The following KLC1 variants were observed in gnomAD, a reference collection of about 807,000 sequenced individuals.
The protein encoded by KLC1 is kinesin 2 60/70kDa.
In KLC1, 30 loss-of-function variants were observed where a neutral mutation model predicts 84.2. The ratio of observed to expected loss-of-function variants is 0.36; its 90% CI spans 0.27 to 0.48. The LOEUF (loss-of-function observed/expected upper bound fraction) is 0.48, where lower values mean the gene tolerates loss of function less well. Ranked by LOEUF, KLC1 falls within the 20% of genes least tolerant of loss-of-function variation. The pLI is 0.99. For missense variants in KLC1, 499 were observed against 805.4 expected (o/e 0.62, Z 4.60); for synonymous variants, 289 against 293.3 (o/e 0.99, Z 0.15).
chr14:103,697,741 G>A (rs1290272406), intron 15 of KLC1: 1 of 152,302 alleles, frequency 6.6e-6, no homozygotes, highest in East Asian at 1.9e-4. Flanking sequence ...TGCCCATGGG[G>A]AGGCCACGCC....
In KLC1 at chr14:103,692,412, A is replaced by C; in HGVS notation, c.1835A>C (p.Glu612Ala). 1.3e-6 allele frequency: 2 copies of C among 1,536,612 alleles called. No homozygotes were observed. Among genetic ancestry groups the C allele is most frequent in the South Asian group, 2.4e-5 (2 of 84,054 alleles). The change falls in exon 15 of 17, where the codon GAA becomes GCA. Residue 612 changes from glutamate (E) to alanine (A), a missense_variant. Physicochemically the swap from Glu to Ala is moderately radical, Grantham distance 107. Around this residue, in one of 3 missense-constraint regions of KLC1, gnomAD observed 167 missense variants for 208.8 expected, o/e 0.80. Coordinates refer to ENST00000334553, the MANE Select transcript of KLC1 (RefSeq NM_001394837.1). Reference sequence around the variant, plus strand: ...CTTAACGTGGGTGGCAAGGCTGCTGAAGATCGCTTTCAAGTAAGGAGCCTA... The same window carrying C: ...CTTAACGTGGGTGGCAAGGCTGCTGCAGATCGCTTTCAAGTAAGGAGCCTA... Reference protein sequence around the residue: ...NVLNVGGKAAEDRFQGVSGRA... With the variant: ...NVLNVGGKAAADRFQGVSGRA...
intron 13 of KLC1, chr14:103,686,712 GT>G (rs2081799965): frequency 1.2e-5 from 2 of 164,424 alleles, no homozygotes; most frequent in African/African-American, 4.8e-5. Context: ...TCTGTTAAAT[GT>G]GGAAGTCGAT....
intron 13 of KLC1, among the ~76,000 whole-genome samples, chr14:103,680,394 G>T (rs766235727): frequency 6.6e-6 from 1 of 151,950 alleles, no homozygotes; most frequent in East Asian, 1.9e-4. Context: ...AGTTGCCGTA[G>T]TACAGTTTGA....
chr14:103,661,261 T>A (rs929266156), intron 3 of KLC1, among the ~76,000 whole-genome samples: 7 of 152,180 alleles, frequency 4.6e-5, no homozygotes, highest in Non-Finnish European at 8.8e-5. Context: ...TGGCATTGTT[T>A]CACTGTGTCC....
intron 15 of KLC1, 172 bp from the exon 16 acceptor site, chr14:103,700,483 C>G (rs1049503984): frequency 3.6e-6 from 2 of 551,764 alleles, no homozygotes; most frequent in Non-Finnish European, 6.3e-6. Context: ...GTAGTTCAGG[C>G]CCCACGGGCC....
Position 103,636,553 on chromosome 14 carries a change from G to C in KLC1, c.-2+7059G>C, listed in dbSNP as rs528427702. On this transcript the variant is annotated intron_variant, in intron 1 of 16. Transcript: ENST00000334553. ...CTTTTTCATCTGAGCCATTCTAGCG[G>C]GGTATAGTGGCATCTTGTTAGTTTT... Among the ~76,000 whole-genome samples the C allele has an allele frequency of 2.6e-5, 4 of 151,966 alleles. No homozygotes were observed. The South Asian group carries it at 8.4e-4, about 32-fold the overall frequency.
intron 13 of KLC1, chr14:103,684,770 A>C (rs145712883): frequency 1.8e-6 from 1 of 557,140 alleles, no homozygotes; most frequent in Non-Finnish European, 3.3e-6. Flanking sequence ...GAGTGAAATG[A>C]ATCTTCTGTG....
chr14:103,700,123 T>G, intron 15 of KLC1: 1 of 204,688 alleles, frequency 4.9e-6, no homozygotes, highest in Non-Finnish European at 1.0e-5. Context: ...CTGGCCTGCC[T>G]CTGCCAAGGC....
At chr14:103,670,568 C>CTTAGG in intron 7 of KLC1, among the ~76,000 whole-genome samples, 1 of 152,008 alleles carries the variant, frequency 6.6e-6, no homozygotes, top group African/African-American at 2.4e-5. Flanking sequence ...ATCTCTTGAC[C>CTTAGG]TCCTGATCCG....
intron 1 of KLC1, among the ~76,000 whole-genome samples, chr14:103,636,426 G>A (rs2077049549): frequency 6.6e-6 from 1 of 152,004 alleles, no homozygotes; most frequent in South Asian, 2.1e-4. Context: ...CTCCATGTTG[G>A]TCAGGCTGGT....
chr14:103,670,918 TAAAGA>T (rs1440888587), intron 7 of KLC1, among the ~76,000 whole-genome samples: 1 of 150,206 alleles, frequency 6.7e-6, no homozygotes, highest in African/African-American at 2.5e-5. Context: ...ACCTCGTCTC[TAAAGA>T]AAAAAAAAAG....
At chr14:103,638,471 A>G (rs908530493) in intron 1 of KLC1, among the ~76,000 whole-genome samples, 1 of 151,196 alleles carries the variant, frequency 6.6e-6, no homozygotes, top group Non-Finnish European at 1.5e-5. Context: ...TTGTGCAACT[A>G]CCATCTATCT....
Position 103,673,139 on chromosome 14 carries a change from A to G in KLC1, c.1113A>G (p.Thr371=). The G allele has an allele frequency of 6.2e-7, 1 of 1,614,078 alleles. No homozygotes were observed. The change falls in exon 8 of 17, where the codon ACA becomes ACG. Residue 371 remains threonine, a synonymous_variant. Transcript: ENST00000334553. The part of the protein sequence containing the change: ...YYQRALEIYQ[T]KLGPDDPNVA... The stretch of plus-strand genomic sequence containing the variant: ...AAAGAGCCCTCGAGATCTACCAGAC[A>G]AAACTGGGACCTGATGACCCCAACG...
At chr14:103,636,730 T>G (rs2151294306) in intron 1 of KLC1, among the ~76,000 whole-genome samples, 1 of 152,116 alleles carries the variant, frequency 6.6e-6, no homozygotes, top group East Asian at 1.9e-4. Context: ...ATTTATTTAT[T>G]TATTTATTTT....
chr14:103,700,958 C>T (rs1474646152), intron 16 of KLC1, among the ~76,000 whole-genome samples: 1 of 152,234 alleles, frequency 6.6e-6, no homozygotes, highest in Non-Finnish European at 1.5e-5. Context: ...AGAGAAGGCT[C>T]TGTGTCCACA....
intron 7 of KLC1, among the ~76,000 whole-genome samples, chr14:103,671,967 C>A (rs753611586): frequency 2.0e-4 from 31 of 152,254 alleles, no homozygotes; most frequent in Non-Finnish European, 3.4e-4. Context: ...CCCTTTCATT[C>A]ATTTAGAGCC....
intron 3 of KLC1, among the ~76,000 whole-genome samples, chr14:103,660,488 A>G (rs921083470): frequency 9.8e-5 from 6 of 61,474 alleles, no homozygotes; most frequent in African/African-American, 2.9e-4. Flanking sequence ...CTCAAAAAAG[A>G]AAAAAAAAAA....
chr14:103,696,091 C>CGGGG, intron 15 of KLC1: 5 of 744,662 alleles, frequency 6.7e-6, no homozygotes, highest in African/African-American at 4.3e-5. Context: ...ATAATCACTG[C>CGGGG]GCCCCCGCCC....
chr14:103,696,682 T>C lies in KLC1; in HGVS notation c.1849-3973T>C, dbSNP rs866038862. Reference sequence around the variant, plus strand: ...GGGGCCAGCTGTCTCAGGGCTGATATGTAGACGTGTATTCTGTTTACAATT... The same window carrying C: ...GGGGCCAGCTGTCTCAGGGCTGATACGTAGACGTGTATTCTGTTTACAATT... On this transcript the variant is annotated intron_variant, in intron 15 of 16. Coordinates refer to ENST00000334553, the MANE Select transcript of KLC1 (RefSeq NM_001394837.1). The C allele has an allele frequency of 4.1e-6, 4 of 985,408 alleles. No individual in the cohort carries two copies. In the African/African-American group the frequency reaches 5.2e-5, roughly 13 times the overall value. 61.0% of individuals were successfully genotyped at this position (985,408 alleles called of 1,614,324 possible).
Sources: gnomAD v4.1 joint callset for allele counts (sites outside exome capture counted in the v4.1 genomes callset) on GRCh38, gnomAD v4.1.1 for gene constraint, gnomAD v4.1.1 regional missense constraint, MANE v1.5 for transcripts, NCBI Gene and HGNC (gene_info 2026-07-23, HGNC 2026-07-21) for gene names.